Variants in CREG2 observed in about 807,000 individuals in gnomAD.
CREG2 encodes the protein cellular repressor of E1A stimulated genes 2, also known as protein CREG2.
Under a neutral mutation model 26.2 loss-of-function variants are expected in CREG2, and 24 were observed. The ratio of observed to expected loss-of-function variants is 0.92; its 90% CI spans 0.66 to 1.29. The LOEUF is 1.29. Ranked by LOEUF, CREG2 falls within the 50% of genes most tolerant of loss-of-function variation. The probability of loss-of-function intolerance (pLI) is 0.00; values close to 1 mark genes in which losing one functional copy is unlikely to be tolerated. For synonymous variants in CREG2, 174 were observed against 169.2 expected, an observed-to-expected ratio of 1.03 and a Z score of -0.22; for missense variants, 366 against 398.6, an observed-to-expected ratio of 0.92 and a Z score of 0.70.
rs1684329060 is a variant in CREG2 at position 101,348,033 on chromosome 2, AC to A, written c.*2889del. ...TCATTTTATTTTCCTATGGATGTCC[AC>A]TTACTCCACACTTATTGAAAAGGCT... is the stretch of plus-strand genomic sequence containing the variant. On this transcript the variant is annotated 3_prime_UTR_variant, in exon 4 of 4. Coordinates refer to ENST00000324768, the MANE Select transcript of CREG2 (RefSeq NM_153836.4). The A allele has an allele frequency of 6.6e-6, 1 of 152,162 alleles. No individual in the cohort carries two copies. The highest frequency in any genetic ancestry group is 2.4e-5 in the African/African-American group (1 of 41,426). The allele number at this position is 152,162 out of a possible 1,614,324, so 9.4% of individuals were successfully genotyped here. A position where few individuals can be genotyped will look rare whatever the true frequency, so the allele number is the denominator to read the frequency against.
rs767592512 is a variant in CREG2, at chr2:101,350,903, A to G, written c.*20T>C. 23 of 1,613,122 alleles carry G rather than the reference A, an allele frequency of 1.4e-5. No homozygotes were observed. The highest frequency in any genetic ancestry group is 3.3e-4 in the Middle Eastern group (2 of 6,074). On this transcript the variant is annotated 3_prime_UTR_variant, in exon 4 of 4. Coordinates refer to ENST00000324768, the MANE Select transcript of CREG2 (RefSeq NM_153836.4). ...GGTTTTCATTTAAGTGCAAACACCAAGGACTTTCTTCTCACTCCATCAGGC... is the reference window on the plus strand; with the variant it reads ...GGTTTTCATTTAAGTGCAAACACCAGGGACTTTCTTCTCACTCCATCAGGC...
In CREG2 at chr2:101,385,189, A is replaced by AT. The variant is rs1247208857; in HGVS notation, c.442-1488dup. 5.3e-5 allele frequency among the ~76,000 whole-genome samples: 8 copies of AT among 151,968 alleles called. No homozygotes were observed. In the East Asian group the frequency reaches 7.7e-4, roughly 15 times the overall value. ...ATTTATTTATTTTATTAGTATTATT[A>AT]TTTTTTTGAGACAGAGTCTCACTCT... On this transcript the variant is annotated intron_variant, in intron 1 of 3. Coordinates refer to ENST00000324768, the MANE Select transcript of CREG2 (RefSeq NM_153836.4).
rs1267526878 is a variant in CREG2 at position 101,351,892 on chromosome 2, A to AT, written c.726-823dup. Among the ~76,000 whole-genome samples, 791 of 150,736 alleles carry AT rather than the reference A, an allele frequency of 5.2e-3. 4 individuals carry two copies. The highest frequency in any genetic ancestry group is 9.7e-3 in the Non-Finnish European group (654 of 67,666). On this transcript the variant is annotated intron_variant, in intron 3 of 3. Transcript: ENST00000324768. ...GTTGATGATCTTTATTTATTAAAAA[A>AT]TTTTTTTTTTAGAGATGGAATCTTG... is the stretch of plus-strand genomic sequence containing the variant.
rs1684920859 is a variant in CREG2 at position 101,383,761 on chromosome 2, A to G, written c.442-59T>C. 2.0e-6 allele frequency: 3 copies of G among 1,490,634 alleles called. No homozygotes were observed. The Admixed American group carries it at 6.5e-5, about 32-fold the overall frequency. The allele number at this position is 1,490,634 out of a possible 1,614,324, so 92.3% of individuals were successfully genotyped here. On this transcript the variant is annotated intron_variant, in intron 1 of 3. Transcript: ENST00000324768. ...GAGCTGTGGCTCGACTTGATCTGGG[A>G]GCTTAGCTTGTGCCTCTGGCTAGGA...
At chr2:101,353,561 C>G (rs1486687906) in intron 3 of CREG2, among the ~76,000 whole-genome samples, 2 of 152,172 alleles carry the variant, frequency 1.3e-5, no homozygotes, top group African/African-American at 4.8e-5. Context: ...TATGGCGATT[C>G]CTTAAGGATC....
At position 101,382,428 on chromosome 2, in the gene CREG2, A is replaced by G. The variant is rs550089452; in HGVS notation, c.611+1105T>C. On this transcript the variant is annotated intron_variant, in intron 2 of 3. Transcript: ENST00000324768. The stretch of plus-strand genomic sequence containing the variant: ...GAAACAAGAGCGAAACTCTATCTCG[A>G]AAAAAAAAAAAAAAGAGTAAGAAAA... 88 of 51,936 alleles carry G rather than the reference A, an allele frequency of 1.7e-3. 1 individual carries two copies. In the South Asian group the frequency reaches 0.042, roughly 25 times the overall value. 3.2% of individuals were successfully genotyped at this position (51,936 alleles called of 1,614,324 possible).
intron 2 of CREG2, among the ~76,000 whole-genome samples, chr2:101,367,920 G>T (rs1469041226): frequency 2.6e-5 from 4 of 152,190 alleles, no homozygotes; most frequent in Non-Finnish European, 5.9e-5. Flanking sequence ...GCCTCCAGAA[G>T]GAAGCAGCTC....
At position 101,355,262 on chromosome 2, in the gene CREG2, A is replaced by T; in HGVS notation, c.716T>A (p.Met239Lys). 1 of 1,608,454 alleles carries T rather than the reference A, an allele frequency of 6.2e-7. No homozygotes were observed. Among genetic ancestry groups the T allele is most frequent in the South Asian group, 1.1e-5 (1 of 90,952 alleles). ...PEEVEFAKQA[M>K]FSRHPGMRKW... Reference sequence around the variant, plus strand: ...TAAAGCATTTACACACCTTGAAAACATGGCTTGCTTGGCAAATTCTACTTC... The same window carrying T: ...TAAAGCATTTACACACCTTGAAAACTTGGCTTGCTTGGCAAATTCTACTTC... Residue 239 changes from methionine to lysine, a missense_variant, in exon 3 of 4, where the codon ATG becomes AAG. This residue lies in a region of CREG2 where 174 missense variants were observed against 178.2 expected (regional missense o/e 0.98). Transcript: ENST00000324768.
chr2:101,383,522 C>A lies in CREG2; in HGVS notation c.611+11G>T. On this transcript the variant is annotated intron_variant, in intron 2 of 3. Coordinates refer to ENST00000324768, the MANE Select transcript of CREG2 (RefSeq NM_153836.4). The stretch of plus-strand genomic sequence containing the variant: ...CAGGACCCGTGTGAGTGAGGGCAAA[C>A]CGTCGTCTACCTGCAGAACTCCCCT... 1 of 1,613,164 alleles carries A rather than the reference C, an allele frequency of 6.2e-7. No homozygotes were observed. The highest frequency in any genetic ancestry group is 8.5e-7 in the Non-Finnish European group (1 of 1,179,948).
At chr2:101,374,623 T>A (rs1346675041) in intron 2 of CREG2, among the ~76,000 whole-genome samples, 1 of 152,232 alleles carries the variant, frequency 6.6e-6, no homozygotes, top group Non-Finnish European at 1.5e-5. Flanking sequence ...CAGACAGAGA[T>A]ACGTCTTGGC....
chr2:101,378,679 A>G (rs1314698179), intron 2 of CREG2, among the ~76,000 whole-genome samples: 1 of 152,120 alleles, frequency 6.6e-6, no homozygotes, highest in Non-Finnish European at 1.5e-5. Context: ...CAGTGGGAAA[A>G]GTGACACCCT....
chr2:101,360,550 C>T (rs1684523685), intron 2 of CREG2, among the ~76,000 whole-genome samples: 1 of 152,064 alleles, frequency 6.6e-6, no homozygotes, highest in South Asian at 2.1e-4. Context: ...GCCTAGCCAA[C>T]ATGGGTGAAA....
chr2:101,350,165 T>C lies in CREG2; in HGVS notation c.*758A>G, dbSNP rs1558812061. 6.6e-6 allele frequency: 1 copy of C among 152,258 alleles called. No homozygotes were observed. The highest frequency in any genetic ancestry group is 2.4e-5 in the African/African-American group (1 of 41,456). The allele number at this position is 152,258 out of a possible 1,614,324, so 9.4% of individuals were successfully genotyped here. On this transcript the variant is annotated 3_prime_UTR_variant, in exon 4 of 4. Coordinates refer to ENST00000324768, the MANE Select transcript of CREG2 (RefSeq NM_153836.4). Reference sequence around the variant, plus strand: ...CCACCACAGAATGGAGAGCTTCTTATTTTGGATGCCCCTGTTCATGCATGA... The same window carrying C: ...CCACCACAGAATGGAGAGCTTCTTACTTTGGATGCCCCTGTTCATGCATGA...
chr2:101,358,250 C>T (rs545512272), intron 2 of CREG2, among the ~76,000 whole-genome samples: 1 of 152,246 alleles, frequency 6.6e-6, no homozygotes, highest in East Asian at 2.0e-4. Flanking sequence ...CCTTGGCCTC[C>T]CAAAGTGCTG....
chr2:101,387,118 C>T lies in CREG2; in HGVS notation c.340G>A (p.Ala114Thr), dbSNP rs934353148. 1.6e-6 allele frequency: 2 copies of T among 1,244,278 alleles called. No individual in the cohort carries two copies. Among genetic ancestry groups the T allele is most frequent in the African/African-American group, 1.6e-5 (1 of 64,296 alleles). 77.1% of individuals were successfully genotyped at this position (1,244,278 alleles called of 1,614,324 possible). A position where few individuals can be genotyped will look rare whatever the true frequency, so the allele number is the denominator to read the frequency against. Residue 114 changes from alanine (A) to threonine (T), a missense_variant, in exon 1 of 4, where the codon GCC (alanine) becomes ACC (threonine). Physicochemically the swap from Ala to Thr is moderately conservative, Grantham distance 58 (BLOSUM62 0). Coordinates refer to ENST00000324768, the MANE Select transcript of CREG2 (RefSeq NM_153836.4). The surrounding 1 kb of genome is among the most constrained non-coding windows in gnomAD (Gnocchi z 4.7). ...FSYRREGGQT[A>T]SAPPGPRLRA... ...AGTCTAGGGCCCGGGGGCGCACTGG[C>T]CGTCTGGCCGCCCTCGCGCCGGTAG... is the stretch of plus-strand genomic sequence containing the variant.
intron 2 of CREG2, among the ~76,000 whole-genome samples, chr2:101,380,779 T>TA (rs35240660): frequency 0.47 from 70,531 of 151,340 alleles, 16,815 homozygotes; most frequent in East Asian, 0.53. Flanking sequence ...CCATCCCTAC[T>TA]AAAAAAAATA....
intron 1 of CREG2, among the ~76,000 whole-genome samples, chr2:101,386,256 T>A (rs1280172699): frequency 6.6e-6 from 1 of 152,236 alleles, no homozygotes; most frequent in East Asian, 1.9e-4. Flanking sequence ...ATGCCTTCCA[T>A]AAAATATTAT....
intron 1 of CREG2, among the ~76,000 whole-genome samples, chr2:101,384,393 C>G (rs938164536): frequency 6.6e-6 from 1 of 152,108 alleles, no homozygotes; most frequent in Non-Finnish European, 1.5e-5. Flanking sequence ...AAGGGTGGTG[C>G]CATAGTTTGG....
chr2:101,353,677 C>A (rs148832276), intron 3 of CREG2, among the ~76,000 whole-genome samples: 1,958 of 152,242 alleles, frequency 0.013, 48 homozygotes, highest in African/African-American at 0.044. Flanking sequence ...ATGTTTATTG[C>A]AGCACTATTT....
Sources: allele counts gnomAD v4.1 joint callset (sites outside exome capture counted in the v4.1 genomes callset), GRCh38; gene constraint gnomAD v4.1.1; regional missense constraint gnomAD v4.1.1; non-coding constraint Gnocchi (gnomAD v3.1); transcripts MANE v1.5; gene names NCBI Gene and HGNC (gene_info 2026-07-23, HGNC 2026-07-21).